Variants in TRMT2B observed in about 807,000 individuals in gnomAD.
The protein encoded by TRMT2B is tRNA methyltransferase 2B.
TRMT2B carries 34 observed loss-of-function variants against 39.7 expected under a neutral mutation model. The ratio of observed to expected loss-of-function variants is 0.86; its 90% CI spans 0.65 to 1.14. The LOEUF is 1.14. TRMT2B is among the 50% of genes most tolerant of loss of function. The pLI is 0.00. For missense variants in TRMT2B, 318 were observed against 377.2 expected (o/e 0.84, Z 1.30); for synonymous variants, 132 against 137.3 (o/e 0.96, Z 0.27).
the TRMT2B span, among the ~76,000 whole-genome samples, chrX:100,997,666 C>T: frequency 2.1e-4 from 23 of 111,868 alleles, no homozygotes; most frequent in Admixed American, 1.6e-3. Flanking sequence ...TAATCCAAGA[C>T]GCCTCATCAC....
At chrX:100,983,505 C>T in the TRMT2B span, among the ~76,000 whole-genome samples, 3 of 109,909 alleles carry the variant, frequency 2.7e-5, no homozygotes, top group Middle Eastern at 4.7e-3. Flanking sequence ...TACAGGTGCC[C>T]GCCACCACGC....
intron 4 of TRMT2B, among the ~76,000 whole-genome samples, chrX:101,038,750 T>A (rs770894567): frequency 8.9e-6 from 1 of 111,780 alleles, no homozygotes; most frequent in East Asian, 2.8e-4. Flanking sequence ...AACTAAATAC[T>A]TTTTTAATTT....
chrX:100,978,578 G>A, the TRMT2B span, among the ~76,000 whole-genome samples: 1 of 109,379 alleles, frequency 9.1e-6, no homozygotes, highest in Non-Finnish European at 1.9e-5. Flanking sequence ...CAGTCTATAT[G>A]TGTCTTTATA....
At chrX:100,975,615 G>A in the TRMT2B span, among the ~76,000 whole-genome samples, 17 of 105,308 alleles carry the variant, frequency 1.6e-4, no homozygotes, top group Non-Finnish European at 2.1e-4. Context: ...GAGACAACAT[G>A]TTGCCATTTT....
chrX:100,976,945 T>C, the TRMT2B span, among the ~76,000 whole-genome samples: 22 of 112,738 alleles, frequency 2.0e-4, no homozygotes, highest in Non-Finnish European at 3.6e-4. Flanking sequence ...AGGAAGGAAA[T>C]GCCCGTCTGT....
At chrX:101,043,462 C>G (rs2088386901) in intron 2 of TRMT2B, 1 of 108,316 alleles carries the variant, frequency 9.2e-6, no homozygotes, top group African/African-American at 3.4e-5. Flanking sequence ...CCCAGGTACT[C>G]AGGAGGCTGA....
At chrX:100,977,810 C>T in the TRMT2B span, among the ~76,000 whole-genome samples, 5 of 112,288 alleles carry the variant, frequency 4.5e-5, no homozygotes, top group South Asian at 1.9e-3. Context: ...ACTTGTTCTG[C>T]CCGTGTTGCT....
intron 2 of TRMT2B, among the ~76,000 whole-genome samples, chrX:101,044,674 T>C (rs1348480074): frequency 1.8e-5 from 2 of 110,012 alleles, no homozygotes; most frequent in Admixed American, 2.0e-4. Flanking sequence ...ACCCCGTCTC[T>C]ACGAAAAATA....
At chrX:101,034,071 A>C (rs2087675530) in intron 7 of TRMT2B, among the ~76,000 whole-genome samples, 1 of 109,154 alleles carries the variant, frequency 9.2e-6, no homozygotes, top group Non-Finnish European at 1.9e-5. Context: ...TGAACTCCTG[A>C]CCTCAGGTGA....
At chrX:101,002,728 G>A in the TRMT2B span, among the ~76,000 whole-genome samples, 2 of 105,875 alleles carry the variant, frequency 1.9e-5, no homozygotes, top group African/African-American at 3.5e-5. Context: ...GCAGTAAGCC[G>A]AGATCGCACC....
intron 13 of TRMT2B, 60 bp downstream of exon 13, chrX:101,018,911 A>G (rs1034130886): frequency 1.3e-6 from 1 of 761,988 alleles, no homozygotes; most frequent in South Asian, 2.1e-5. Flanking sequence ...TGTGTGTACA[A>G]TAAGCATGAA....
the TRMT2B span, among the ~76,000 whole-genome samples, chrX:100,981,174 C>A: frequency 9.0e-6 from 1 of 111,320 alleles, no homozygotes; most frequent in Non-Finnish European, 1.9e-5. Context: ...GCCTGGACTG[C>A]CTTTTAAATT....
chrX:101,021,821 C>T (rs978219077), intron 9 of TRMT2B, 147 bp downstream of exon 9: 2 of 481,130 alleles, frequency 4.2e-6, no homozygotes, highest in Non-Finnish European at 7.4e-6. Context: ...CATCTACATT[C>T]TGGCCTGTGT....
At chrX:101,050,189 C>T (rs2088972149) in intron 2 of TRMT2B, among the ~76,000 whole-genome samples, 1 of 111,954 alleles carries the variant, frequency 8.9e-6, no homozygotes, top group African/African-American at 3.2e-5. Flanking sequence ...GGTCCTTGTC[C>T]ATCTAGGTCT....
chrX:100,995,444 A>G, the TRMT2B span, among the ~76,000 whole-genome samples: 33 of 111,877 alleles, frequency 2.9e-4, no homozygotes, highest in Non-Finnish European at 6.2e-4. Flanking sequence ...CACATAGATA[A>G]TATCAGCTCA....
chrX:101,004,401 G>A (rs901489617), downstream of TRMT2B, among the ~76,000 whole-genome samples: 3 of 111,116 alleles, frequency 2.7e-5, no homozygotes, highest in Admixed American at 9.6e-5. Flanking sequence ...GCTGGGTCTG[G>A]TCTTCAACTC....
intron 7 of TRMT2B, among the ~76,000 whole-genome samples, chrX:101,034,723 G>A (rs1273292909): frequency 1.8e-5 from 2 of 111,841 alleles, no homozygotes; most frequent in Non-Finnish European, 3.8e-5. Context: ...AAGGGACACA[G>A]TAATTTGACA....
At chrX:100,987,415 T>C in the TRMT2B span, 1 of 1,209,003 alleles carries the variant, frequency 8.3e-7, no homozygotes, top group East Asian at 3.0e-5. Context: ...ATCAGAAACC[T>C]TGAAAGAAGA....
chrX:101,039,778 T>C (rs1398366923), intron 4 of TRMT2B, among the ~76,000 whole-genome samples: 3 of 109,580 alleles, frequency 2.7e-5, no homozygotes, highest in African/African-American at 1.0e-4. Context: ...TACACGCCTA[T>C]AGTCCCAACT....
Sources: gnomAD v4.1 joint callset for allele counts (sites outside exome capture counted in the v4.1 genomes callset) on GRCh38, gnomAD v4.1.1 for gene constraint, MANE v1.5 for transcripts, NCBI Gene and HGNC (gene_info 2026-07-23, HGNC 2026-07-21) for gene names.